The following METTL25 variants were observed in gnomAD, a reference collection of about 807,000 sequenced individuals.
METTL25 encodes methyltransferase like 25.
METTL25 carries 64 observed loss-of-function variants against 71.6 expected under a neutral mutation model. The observed-to-expected ratio is 0.89, with a 90% CI of 0.73 to 1.10. The LOEUF is 1.10. Among genes scored for constraint, METTL25 ranks in the 50% least tolerant of loss-of-function variants. METTL25 has a pLI of 0.00. For synonymous variants in METTL25, 287 were observed against 250.3 expected (o/e 1.15, Z -1.38); for missense variants, 807 against 707.0 (o/e 1.14, Z -1.60).
intron 1 of METTL25, chr12:82,369,550 G>T (rs1379381465): frequency 2.3e-6 from 1 of 429,982 alleles, no homozygotes. Flanking sequence ...ATGAAGCCGC[G>T]GACCTTCACG....
chr12:82,441,775 C>T (rs1441549155), intron 8 of METTL25, among the ~76,000 whole-genome samples: 1 of 133,182 alleles, frequency 7.5e-6, no homozygotes, highest in Admixed American at 7.7e-5. Flanking sequence ...TGCATTACTG[C>T]CATACTATAG....
intron 4 of METTL25, among the ~76,000 whole-genome samples, chr12:82,402,499 G>A (rs1011994077): frequency 2.0e-5 from 3 of 151,712 alleles, no homozygotes; most frequent in African/African-American, 7.3e-5. Context: ...ATATAAACAG[G>A]TAAATAAGTG....
intron 9 of METTL25, among the ~76,000 whole-genome samples, chr12:82,461,623 A>C (rs1317537485): frequency 6.6e-6 from 1 of 152,198 alleles, no homozygotes; most frequent in Non-Finnish European, 1.5e-5. Context: ...CTACGAGAAA[A>C]AAAATAAAGA....
At chr12:82,447,515 T>C (rs996396312) in intron 8 of METTL25, among the ~76,000 whole-genome samples, 6 of 152,096 alleles carry the variant, frequency 3.9e-5, no homozygotes, top group African/African-American at 1.2e-4. Flanking sequence ...GTTCCACTTA[T>C]ATAATTCAGA....
intron 8 of METTL25, chr12:82,439,712 C>T (rs561963350): frequency 5.2e-6 from 1 of 191,158 alleles, no homozygotes; most frequent in Non-Finnish European, 9.6e-6. Context: ...ATGTCTAAAA[C>T]TGAATTTTTC....
intron 9 of METTL25, among the ~76,000 whole-genome samples, chr12:82,473,579 C>A (rs1445179633): frequency 1.3e-5 from 2 of 152,136 alleles, no homozygotes; most frequent in African/African-American, 4.8e-5. Context: ...CTGTTTTTCT[C>A]AAACCCTGAT....
intron 1 of METTL25, among the ~76,000 whole-genome samples, chr12:82,382,037 G>A (rs900097079): frequency 3.3e-5 from 5 of 152,172 alleles, no homozygotes. Flanking sequence ...AAGCATTTCA[G>A]GTAATGTAAA....
chr12:82,383,808 T>G (rs1194854140), intron 1 of METTL25, among the ~76,000 whole-genome samples: 1 of 152,194 alleles, frequency 6.6e-6, no homozygotes, highest in Non-Finnish European at 1.5e-5. Flanking sequence ...AAGGTGTATA[T>G]ATATGACTCT....
intron 8 of METTL25, among the ~76,000 whole-genome samples, chr12:82,455,427 G>A (rs1297381831): frequency 6.6e-6 from 1 of 151,860 alleles, no homozygotes; most frequent in Non-Finnish European, 1.5e-5. Context: ...ACCTATTCAA[G>A]TGACTATTAA....
chr12:82,470,514 A>G (rs1382980805), intron 9 of METTL25, among the ~76,000 whole-genome samples: 2 of 152,216 alleles, frequency 1.3e-5, no homozygotes, highest in Non-Finnish European at 2.9e-5. Flanking sequence ...GCACTACAGT[A>G]AACAACCAGC....
intron 1 of METTL25, among the ~76,000 whole-genome samples, chr12:82,370,722 C>T (rs1392601943): frequency 6.6e-6 from 1 of 151,672 alleles, no homozygotes; most frequent in Non-Finnish European, 1.5e-5. Flanking sequence ...CTCTCTTTGA[C>T]TCCTTCTTTG....
At position 82,456,950 on chromosome 12, in the gene METTL25, A is replaced by C. The variant is rs538098878; in HGVS notation, c.1572+130A>C. 39 of 406,296 alleles carry C rather than the reference A, an allele frequency of 9.6e-5. No individual in the cohort carries two copies. The Admixed American group carries it at 1.4e-3, about 14-fold the overall frequency. The allele number at this position is 406,296 out of a possible 1,614,324, so 25.2% of individuals were successfully genotyped here. A position where few individuals can be genotyped will look rare whatever the true frequency, so the allele number is the denominator to read the frequency against. Reference sequence around the variant, plus strand: ...TGTGAAAAGGTCCAAATTATATTGAAACAAGACCTCCATCATCTTTTTTCC... The same window carrying C: ...TGTGAAAAGGTCCAAATTATATTGACACAAGACCTCCATCATCTTTTTTCC... On this transcript the variant is annotated intron_variant, in intron 9 of 11. Coordinates refer to ENST00000248306, the MANE Select transcript of METTL25 (RefSeq NM_032230.3).
At chr12:82,382,842 G>A (rs1368118264) in intron 1 of METTL25, among the ~76,000 whole-genome samples, 1 of 151,840 alleles carries the variant, frequency 6.6e-6, no homozygotes, top group South Asian at 2.1e-4. Context: ...TCAAGTAGCT[G>A]GGACTACAGG....
chr12:82,476,409 A>G, intron 9 of METTL25: 1 of 404,522 alleles, frequency 2.5e-6, no homozygotes, highest in Non-Finnish European at 4.4e-6. Context: ...AACAATATTA[A>G]TGGGATGTTG....
chr12:82,412,642 A>T (rs1887639649), intron 5 of METTL25, among the ~76,000 whole-genome samples: 2 of 152,130 alleles, frequency 1.3e-5, no homozygotes, highest in Non-Finnish European at 2.9e-5. Context: ...TAAGCTGCAA[A>T]TCACCTTAAC....
intron 8 of METTL25, among the ~76,000 whole-genome samples, chr12:82,455,151 C>T (rs1253772504): frequency 6.7e-6 from 1 of 149,398 alleles, no homozygotes; most frequent in Non-Finnish European, 1.5e-5. Flanking sequence ...AAGTGCTTGT[C>T]CTTTTGGATT....
Position 82,374,012 on chromosome 12 carries a change from T to C in METTL25, c.260-12791T>C, listed in dbSNP as rs80307213. 5.9e-4 allele frequency: 92 copies of C among 156,498 alleles called. 1 individual carries two copies. The East Asian group carries it at 0.016, about 27-fold the overall frequency. 9.7% of individuals were successfully genotyped at this position (156,498 alleles called of 1,614,324 possible). A position where few individuals can be genotyped will look rare whatever the true frequency, so the allele number is the denominator to read the frequency against. ...GTGATCGCCAAAATGTGTCCAGAATTGTTTGTTCCTCCCGGTGGGTTCTTG... is the reference window on the plus strand; with the variant it reads ...GTGATCGCCAAAATGTGTCCAGAATCGTTTGTTCCTCCCGGTGGGTTCTTG... On this transcript the variant is annotated intron_variant, in intron 1 of 11. Transcript: ENST00000248306.
At chr12:82,367,625 T>C (rs894157918) in intron 1 of METTL25, among the ~76,000 whole-genome samples, 5 of 152,220 alleles carry the variant, frequency 3.3e-5, no homozygotes, top group African/African-American at 1.2e-4. Flanking sequence ...GCTTCCAACC[T>C]GTTGTTCTTG....
chr12:82,390,955 A>G (rs1885521226), intron 3 of METTL25, among the ~76,000 whole-genome samples: 1 of 152,096 alleles, frequency 6.6e-6, no homozygotes, highest in Non-Finnish European at 1.5e-5. Context: ...ATTGGTCTCT[A>G]GAGGACCAAA....
Sources: gnomAD v4.1 joint callset for allele counts (sites outside exome capture counted in the v4.1 genomes callset) on GRCh38, gnomAD v4.1.1 for gene constraint, MANE v1.5 for transcripts, NCBI Gene and HGNC (gene_info 2026-07-23, HGNC 2026-07-21) for gene names.